The following ADPRHL1 variants were observed in gnomAD, a reference collection of about 807,000 sequenced individuals.
ADPRHL1 encodes the protein inactive ADP-ribosyltransferase ARH2.
Under a neutral mutation model 44.1 loss-of-function variants are expected in ADPRHL1, and 43 were observed. The ratio of observed to expected loss-of-function variants is 0.98; its 90% CI spans 0.76 to 1.26. The LOEUF (loss-of-function observed/expected upper bound fraction) is 1.26, where lower values mean the gene tolerates loss of function less well. Among genes scored for constraint, ADPRHL1 ranks in the 50% most tolerant of loss-of-function variants. The pLI, the probability that ADPRHL1 is intolerant of heterozygous loss-of-function variation, is 0.00. For synonymous variants in ADPRHL1, 878 were observed against 1,017.4 expected, an observed-to-expected ratio of 0.86 and a Z score of 2.61; for missense variants, 2,022 against 2,496.9, an observed-to-expected ratio of 0.81 and a Z score of 4.05.
chr13:113,412,568 T>C (rs921989283), intron 7 of ADPRHL1, among the ~76,000 whole-genome samples: 2 of 152,242 alleles, frequency 1.3e-5, no homozygotes, highest in Non-Finnish European at 2.9e-5. Context: ...AGCCCCTGCA[T>C]GGGCGGGACC....
chr13:113,447,360 T>G (rs1462277487), intron 1 of ADPRHL1, among the ~76,000 whole-genome samples: 1 of 151,554 alleles, frequency 6.6e-6, no homozygotes, highest in Non-Finnish European at 1.5e-5. Context: ...CGGTGTTGTG[T>G]GTGTATGGCG....
intron 7 of ADPRHL1, among the ~76,000 whole-genome samples, chr13:113,411,872 G>C (rs2043854580): frequency 6.6e-6 from 1 of 152,162 alleles, no homozygotes; most frequent in Admixed American, 6.5e-5. Context: ...CCTGGGTCTG[G>C]CCTGGCCACT....
At chr13:113,408,654 G>A (rs1014359414) in intron 7 of ADPRHL1, among the ~76,000 whole-genome samples, 4 of 152,232 alleles carry the variant, frequency 2.6e-5, no homozygotes, top group African/African-American at 9.6e-5. Flanking sequence ...CTACCTTTAA[G>A]TATGAAAGAT....
intron 7 of ADPRHL1, among the ~76,000 whole-genome samples, chr13:113,420,205 CT>C (rs1390755967): frequency 6.6e-6 from 1 of 152,146 alleles, no homozygotes; most frequent in African/African-American, 2.4e-5. Flanking sequence ...CTTTCTTTGG[CT>C]TTTTCTTTTC....
intron 2 of ADPRHL1, among the ~76,000 whole-genome samples, chr13:113,435,350 C>T (rs1235035739): frequency 7.3e-6 from 1 of 136,832 alleles, no homozygotes; most frequent in Non-Finnish European, 1.5e-5. Context: ...GCCCGTGACC[C>T]AGCACCCAGG....
chr13:113,438,698 T>C (rs2044078090), intron 2 of ADPRHL1, among the ~76,000 whole-genome samples: 1 of 152,142 alleles, frequency 6.6e-6, no homozygotes, highest in Non-Finnish European at 1.5e-5. Context: ...AAAATTTCTT[T>C]TTTATAATAG....
chr13:113,428,884 G>A, intron 4 of ADPRHL1, 68 bp downstream of exon 4: 1 of 1,594,284 alleles, frequency 6.3e-7, no homozygotes, highest in Admixed American at 1.7e-5. Flanking sequence ...GTATTTGGGG[G>A]CCCATGGAGG....
Position 113,406,186 on chromosome 13 carries a change from C to G in ADPRHL1, c.3096G>C (p.Gly1032=). 1 of 1,232,182 alleles carries G rather than the reference C, an allele frequency of 8.1e-7. No homozygotes were observed. The highest frequency in any genetic ancestry group is 1.0e-6 in the Non-Finnish European group (1 of 988,018). The allele number at this position is 1,232,182 out of a possible 1,614,324, so 76.3% of individuals were successfully genotyped here. A position where few individuals can be genotyped will look rare whatever the true frequency, so the allele number is the denominator to read the frequency against. The change falls in exon 8 of 8, where the codon GGG becomes GGC. Residue 1032 remains glycine, a synonymous_variant. Transcript: ENST00000612156. ...SSSQQVPSPT[G]RNPTGAPTSL... is the part of the protein sequence containing the mutation. ...ACGTGGGGGCTCCTGTTGGGTTTCT[C>G]CCAGTCGGGGACGGCACTTGCTGGC...
At chr13:113,430,773 G>T (rs565169771) in intron 3 of ADPRHL1, among the ~76,000 whole-genome samples, 1 of 151,988 alleles carries the variant, frequency 6.6e-6, no homozygotes, top group African/African-American at 2.4e-5. Context: ...TAGTGGTGGC[G>T]GTGACAGTGT....
rs2043960277 is a variant in ADPRHL1, at chr13:113,425,280, G to A, written c.647-101C>T. On this transcript the variant is annotated intron_variant, in intron 4 of 7. Coordinates refer to ENST00000612156, the MANE Select transcript of ADPRHL1 (RefSeq NM_001394807.1). The stretch of plus-strand genomic sequence containing the variant: ...GGAGGGTGGGGGCGTGTGTGTGGCG[G>A]GGAAGTGGCAATGCCCCCTCTACCC... The A allele has an allele frequency of 4.1e-6, 5 of 1,210,846 alleles. No homozygotes were observed. The South Asian group carries it at 7.4e-5, about 18-fold the overall frequency. The allele number at this position is 1,210,846 out of a possible 1,614,324, so 75.0% of individuals were successfully genotyped here. A position where few individuals can be genotyped will look rare whatever the true frequency, so the allele number is the denominator to read the frequency against.
At chr13:113,438,440 T>C (rs1187849925) in intron 2 of ADPRHL1, among the ~76,000 whole-genome samples, 1 of 152,098 alleles carries the variant, frequency 6.6e-6, no homozygotes, top group Non-Finnish European at 1.5e-5. Context: ...ATGCCTGTAA[T>C]CCCAGCACTT....
At position 113,405,634 on chromosome 13, in the gene ADPRHL1, C is replaced by T. The variant is rs950551074; in HGVS notation, c.3648G>A (p.Ala1216=). The change falls in exon 8 of 8, where the codon GCG becomes GCA. Residue 1216 remains alanine, a synonymous_variant. Coordinates refer to ENST00000612156, the MANE Select transcript of ADPRHL1 (RefSeq NM_001394807.1). ...CCGCCTCTGGGTGCCGGGCGAGGGC[C>T]GCAGCATCCTCCGGGTGGCGGGCGA... ...ATLARHPEDA[A]ALARHPEAAR... is the part of the protein sequence containing the mutation. The T allele has an allele frequency of 1.3e-5, 16 of 1,232,784 alleles. No individual in the cohort carries two copies. Among genetic ancestry groups the T allele is most frequent in the East Asian group, 6.3e-5 (2 of 31,736 alleles). 76.4% of individuals were successfully genotyped at this position (1,232,784 alleles called of 1,614,324 possible).
At chr13:113,439,001 G>A (rs1206479227) in intron 2 of ADPRHL1, among the ~76,000 whole-genome samples, 2 of 152,180 alleles carry the variant, frequency 1.3e-5, no homozygotes, top group Non-Finnish European at 2.9e-5. Context: ...AAATGAATTT[G>A]GGAAGTATTC....
intron 2 of ADPRHL1, among the ~76,000 whole-genome samples, chr13:113,439,463 T>TTC (rs972613076): frequency 8.2e-6 from 1 of 121,514 alleles, no homozygotes; most frequent in African/African-American, 3.0e-5. Flanking sequence ...TTTTTTTTTT[T>TTC]CCTGAGACGG....
intron 2 of ADPRHL1, among the ~76,000 whole-genome samples, chr13:113,442,882 T>C (rs2044108668): frequency 6.6e-6 from 1 of 152,238 alleles, no homozygotes; most frequent in Non-Finnish European, 1.5e-5. Flanking sequence ...CTTGGATTCT[T>C]TCTCTTTGTG....
chr13:113,445,196 C>T (rs892575334), intron 1 of ADPRHL1, among the ~76,000 whole-genome samples: 2 of 152,240 alleles, frequency 1.3e-5, no homozygotes, highest in African/African-American at 2.4e-5. Flanking sequence ...AGACACCAGC[C>T]CTATGCCCAG....
chr13:113,430,959 C>G (rs1208085158), intron 3 of ADPRHL1, among the ~76,000 whole-genome samples: 1 of 152,220 alleles, frequency 6.6e-6, no homozygotes, highest in Non-Finnish European at 1.5e-5. Flanking sequence ...CTCACGAGAG[C>G]CTGTGAAGGG....
chr13:113,418,895 T>C (rs570007312), intron 7 of ADPRHL1, among the ~76,000 whole-genome samples: 62 of 151,496 alleles, frequency 4.1e-4, no homozygotes, highest in African/African-American at 1.4e-3. Context: ...CACAGGGATG[T>C]GCAACACTGA....
chr13:113,447,778 C>T (rs1343504624), intron 1 of ADPRHL1, among the ~76,000 whole-genome samples: 1 of 152,166 alleles, frequency 6.6e-6, no homozygotes, highest in African/African-American at 2.4e-5. Flanking sequence ...TTAAGGTCAC[C>T]TTCGCCTGCA....
Sources: allele counts gnomAD v4.1 joint callset (sites outside exome capture counted in the v4.1 genomes callset), GRCh38; gene constraint gnomAD v4.1.1; transcripts MANE v1.5; gene names NCBI Gene and HGNC (gene_info 2026-07-23, HGNC 2026-07-21).